The following ZNF462 variants were observed in gnomAD, a reference collection of about 807,000 sequenced individuals.
ZNF462 encodes zinc finger protein 462.
In ZNF462, 10 loss-of-function variants were observed where a neutral mutation model predicts 201.9. That is an observed-to-expected ratio of 0.05 (90% CI 0.03 to 0.08). ZNF462 has a LOEUF of 0.08. ZNF462 is among the 10% of genes least tolerant of loss of function. The probability of loss-of-function intolerance (pLI) is 1.00; values close to 1 mark genes in which losing one functional copy is unlikely to be tolerated. For missense variants in ZNF462, 2,523 were observed against 3,168.3 expected, an observed-to-expected ratio of 0.80 and a Z score of 4.89; for synonymous variants, 1,227 against 1,193.3, an observed-to-expected ratio of 1.03 and a Z score of -0.58.
chr9:106,981,567 G>A lies in ZNF462; in HGVS notation c.6833-2619G>A, dbSNP rs183917583. ...TTATGTCAAGGGTAGAACACCTAACGGTGCTTGAACCGTAGCGAGCACTTA... is the reference window on the plus strand; with the variant it reads ...TTATGTCAAGGGTAGAACACCTAACAGTGCTTGAACCGTAGCGAGCACTTA... On this transcript the variant is annotated intron_variant, in intron 9 of 12. Coordinates refer to ENST00000277225, the MANE Select transcript of ZNF462 (RefSeq NM_021224.6). The surrounding 1 kb of genome is among the most constrained non-coding windows in gnomAD (Gnocchi z 4.0). 1.9e-3 allele frequency among the ~76,000 whole-genome samples: 282 copies of A among 152,304 alleles called. No homozygotes were observed. Among genetic ancestry groups the A allele is most frequent in the African/African-American group, 6.3e-3 (262 of 41,560 alleles).
intron 1 of ZNF462, among the ~76,000 whole-genome samples, chr9:106,908,983 G>A (rs141120972): frequency 0.012 from 670 of 55,234 alleles, 6 homozygotes; most frequent in Middle Eastern, 0.02. Context: ...TTTTTTTTGA[G>A]ACTGGGTCTC....
chr9:106,996,207 G>C lies in ZNF462; in HGVS notation c.7057-7087G>C, dbSNP rs556983095. On this transcript the variant is annotated intron_variant, in intron 10 of 12. Coordinates refer to ENST00000277225, the MANE Select transcript of ZNF462 (RefSeq NM_021224.6). ...ATATGTGCCACATTTTCTTAATCCA[G>C]TCTATTATTGATGGACATTTGGGTT... Among the ~76,000 whole-genome samples, 4 of 152,250 alleles carry C rather than the reference G, an allele frequency of 2.6e-5. No homozygotes were observed. The East Asian group carries it at 7.7e-4, about 29-fold the overall frequency.
In ZNF462 at chr9:106,883,262, G is replaced by A. The variant is rs1295034853; in HGVS notation, c.-31+19907G>A. Among the ~76,000 whole-genome samples, 1 of 152,194 alleles carries A rather than the reference G, an allele frequency of 6.6e-6. No homozygotes were observed. Among genetic ancestry groups the A allele is most frequent in the Admixed American group, 6.5e-5 (1 of 15,282 alleles). ...TGTTATTTGGTTAATGGTTGACCTA[G>A]TTCTAATGCCATATGCTTCCTGGAA... On this transcript the variant is annotated intron_variant, in intron 1 of 12. Coordinates refer to ENST00000277225, the MANE Select transcript of ZNF462 (RefSeq NM_021224.6). This position sits in a 1 kb window ranked among gnomAD's most constrained non-coding sequence, Gnocchi z 4.9.
chr9:106,951,887 C>T lies in ZNF462; in HGVS notation c.6427+12780C>T, dbSNP rs558047884. Among the ~76,000 whole-genome samples the T allele has an allele frequency of 4.7e-5, 7 of 150,518 alleles. No homozygotes were observed. In the South Asian group the frequency reaches 8.4e-4, roughly 18 times the overall value. On this transcript the variant is annotated intron_variant, in intron 7 of 12. Coordinates refer to ENST00000277225, the MANE Select transcript of ZNF462 (RefSeq NM_021224.6). ...TTTTTCCAGTGGAATTTTGGAGTCG[C>T]GGTGCTGTAGCGGCATCAAGTGTGA...
At position 107,009,979 on chromosome 9, in the gene ZNF462, A is replaced by G. The variant is rs1829830906; in HGVS notation, c.7313+311A>G. Among the ~76,000 whole-genome samples, 1 of 152,134 alleles carries G rather than the reference A, an allele frequency of 6.6e-6. No homozygotes were observed. Among genetic ancestry groups the G allele is most frequent in the Non-Finnish European group, 1.5e-5 (1 of 68,034 alleles). On this transcript the variant is annotated intron_variant, in intron 12 of 12. Coordinates refer to ENST00000277225, the MANE Select transcript of ZNF462 (RefSeq NM_021224.6). The surrounding 1 kb of genome is among the most constrained non-coding windows in gnomAD (Gnocchi z 6.1). ...TTAGTCTTCATTAGCGTGACATTCT[A>G]TAATAGAACGTGAATCGAGGTCAAA...
Position 106,923,434 on chromosome 9 carries a change from A to C in ZNF462, c.51A>C (p.Glu17Asp), listed in dbSNP as rs770892525. The C allele has an allele frequency of 6.2e-7, 1 of 1,614,210 alleles. No individual in the cohort carries two copies. Among genetic ancestry groups the C allele is most frequent in the Non-Finnish European group, 8.5e-7 (1 of 1,180,042 alleles). Reference sequence around the variant, plus strand: ...GTGATTTCCGAGCCCCGTCTTATGAAGATCTCAAGGCACACATTCAGGATG... The same window carrying C: ...GTGATTTCCGAGCCCCGTCTTATGACGATCTCAAGGCACACATTCAGGATG... ...DGCDFRAPSY[E>D]DLKAHIQDVH... The change falls in exon 2 of 13, where the codon GAA becomes GAC. Residue 17 changes from glutamate to aspartate, a missense_variant. Glu to Asp is a conservative substitution (Grantham distance 45, BLOSUM62 2). Transcript: ENST00000277225. The surrounding 1 kb of genome is among the most constrained non-coding windows in gnomAD (Gnocchi z 5.6).
rs1830353456 is a variant in ZNF462 at position 106,929,868 on chromosome 9, C to T, written c.5847+109C>T. 3 of 986,646 alleles carry T rather than the reference C, an allele frequency of 3.0e-6. No homozygotes were observed. The highest frequency in any genetic ancestry group is 1.6e-5 in the South Asian group (1 of 61,180). 61.1% of individuals were successfully genotyped at this position (986,646 alleles called of 1,614,324 possible). A position where few individuals can be genotyped will look rare whatever the true frequency, so the allele number is the denominator to read the frequency against. ...TGCTGCAGGCTTCCTAGTGACTTAG[C>T]TTGCCAGAGAGCTCAATAAGTCAAT... On this transcript the variant is annotated intron_variant, in intron 3 of 12. Transcript: ENST00000277225. This position sits in a 1 kb window ranked among gnomAD's most constrained non-coding sequence, Gnocchi z 8.7.
chr9:106,892,715 CACACACACACAT>C (rs1196287919), intron 1 of ZNF462, among the ~76,000 whole-genome samples: 9 of 151,744 alleles, frequency 5.9e-5, no homozygotes, highest in African/African-American at 2.2e-4. Context: ...CACACACACA[CACACACACACAT>C]GTTATGCATA....
chr9:106,875,515 A>G (rs2130874840), intron 1 of ZNF462, among the ~76,000 whole-genome samples: 1 of 152,346 alleles, frequency 6.6e-6, no homozygotes, highest in Middle Eastern at 3.4e-3. Context: ...TAGCAACATG[A>G]TCACTAAGAT....
In ZNF462 at chr9:106,926,897, T is replaced by C. The variant is rs1456462409; in HGVS notation, c.2985T>C (p.Ala995=). ...ACATGGCGACTTCCACACCTGTGGC[T>C]CGTGGTGGTGGTTTGCCAGCTACGT... ...PKNMATSTPV[A]RGGGLPATFN... Residue 995 remains alanine (A), a synonymous_variant, in exon 3 of 13, where the codon GCT becomes GCC. Coordinates refer to ENST00000277225, the MANE Select transcript of ZNF462 (RefSeq NM_021224.6). This position sits in a 1 kb window ranked among gnomAD's most constrained non-coding sequence, Gnocchi z 7.9. 2 of 1,614,136 alleles carry C rather than the reference T, an allele frequency of 1.2e-6. No homozygotes were observed. The highest frequency in any genetic ancestry group is 1.7e-6 in the Non-Finnish European group (2 of 1,180,034).
In ZNF462 at chr9:106,864,086, CTCTCTCTCTCTCTCTCT is replaced by C. The variant is rs1827201343; in HGVS notation, c.-31+732_-31+748del. Among the ~76,000 whole-genome samples the C allele has an allele frequency of 3.0e-5, 4 of 134,764 alleles. No individual in the cohort carries two copies. In the South Asian group the frequency reaches 1.0e-3, roughly 35 times the overall value. 88.4% of individuals were successfully genotyped at this position (134,764 alleles called of 152,430 possible). ...TCTCTCTCTCTCTCTCTCTCTCTCTCTCTCTCTCTCTCTCTCTCTCTCTCCCTCTCCCCGAAGTTGGG... is the reference window on the plus strand; with the variant it reads ...TCTCTCTCTCTCTCTCTCTCTCTCTCCTCTCTCCCTCTCCCCGAAGTTGGG... On this transcript the variant is annotated intron_variant, in intron 1 of 12. Coordinates refer to ENST00000277225, the MANE Select transcript of ZNF462 (RefSeq NM_021224.6).
chr9:106,932,569 C>CA lies in ZNF462; in HGVS notation c.6116+21dup, dbSNP rs1227580763. 1 of 1,614,114 alleles carries CA rather than the reference C, an allele frequency of 6.2e-7. No homozygotes were observed. Among genetic ancestry groups the CA allele is most frequent in the Admixed American group, 1.7e-5 (1 of 60,024 alleles). ...GCACAAGTAAGTGCTATTGGGGGGT[C>CA]ACTAGTGGTTACTGGGAGATGATGT... On this transcript the variant is annotated intron_variant, in intron 5 of 12. Coordinates refer to ENST00000277225, the MANE Select transcript of ZNF462 (RefSeq NM_021224.6). This position sits in a 1 kb window ranked among gnomAD's most constrained non-coding sequence, Gnocchi z 6.8.
Position 107,008,592 on chromosome 9 carries a change from C to A in ZNF462, c.7190-953C>A, listed in dbSNP as rs1829724679. 6.6e-6 allele frequency among the ~76,000 whole-genome samples: 1 copy of A among 152,192 alleles called. No homozygotes were observed. Among genetic ancestry groups the A allele is most frequent in the Non-Finnish European group, 1.5e-5 (1 of 68,034 alleles). On this transcript the variant is annotated intron_variant, in intron 11 of 12. Coordinates refer to ENST00000277225, the MANE Select transcript of ZNF462 (RefSeq NM_021224.6). The surrounding 1 kb of genome is among the most constrained non-coding windows in gnomAD (Gnocchi z 4.8). ...GCAAGGTCCTGCTGTTTATTACCTA[C>A]ATGAAGACTTGGCCCTCTGTGGTAT...
chr9:106,894,006 A>T (rs1167483858), intron 1 of ZNF462, among the ~76,000 whole-genome samples: 1 of 152,246 alleles, frequency 6.6e-6, no homozygotes. Flanking sequence ...CTGGCAACAG[A>T]CTATGTGCAA....
chr9:106,863,729 C>A (rs1827160535), intron 1 of ZNF462, among the ~76,000 whole-genome samples: 1 of 150,866 alleles, frequency 6.6e-6, no homozygotes, highest in Non-Finnish European at 1.5e-5. Context: ...TCGTGTAGTT[C>A]TATGAAGAGA....
At chr9:106,877,259 A>G (rs929452173) in intron 1 of ZNF462, among the ~76,000 whole-genome samples, 2 of 139,418 alleles carry the variant, frequency 1.4e-5, no homozygotes, top group African/African-American at 5.5e-5. Context: ...GTAAAACCAT[A>G]TAGTGATTTT....
chr9:106,923,441 A>G lies in ZNF462; in HGVS notation c.58A>G (p.Lys20Glu). The G allele has an allele frequency of 3.7e-6, 6 of 1,614,208 alleles. No individual in the cohort carries two copies. The highest frequency in any genetic ancestry group is 4.2e-6 in the Non-Finnish European group (5 of 1,180,052). ...CCGAGCCCCGTCTTATGAAGATCTC[A>G]AGGCACACATTCAGGATGTCCACAC... Reference protein sequence around the residue: ...DFRAPSYEDLKAHIQDVHTAF... With the variant: ...DFRAPSYEDLEAHIQDVHTAF... The change falls in exon 2 of 13, where the codon AAG becomes GAG. Residue 20 changes from lysine to glutamate, a missense_variant. By Grantham distance (56) the Lys-to-Glu change is moderately conservative. Around this residue, in one of 15 missense-constraint regions of ZNF462, gnomAD observed 480 missense variants for 544.4 expected, o/e 0.88. Transcript: ENST00000277225. The surrounding 1 kb of genome is among the most constrained non-coding windows in gnomAD (Gnocchi z 5.6).
intron 6 of ZNF462, among the ~76,000 whole-genome samples, chr9:106,937,208 A>G (rs1271860257): frequency 6.6e-6 from 1 of 152,202 alleles, no homozygotes; most frequent in Non-Finnish European, 1.5e-5. Context: ...CCAAGCTTGC[A>G]TTAAAAGAAA....
chr9:106,979,014 G>A, intron 9 of ZNF462: 1 of 220,502 alleles, frequency 4.5e-6, no homozygotes, highest in Non-Finnish European at 8.8e-6. Flanking sequence ...CCCCAATTTG[G>A]CCATCTCCTT....
Sources: allele counts gnomAD v4.1 joint callset (sites outside exome capture counted in the v4.1 genomes callset), GRCh38; gene constraint gnomAD v4.1.1; regional missense constraint gnomAD v4.1.1; non-coding constraint Gnocchi (gnomAD v3.1); transcripts MANE v1.5; gene names NCBI Gene and HGNC (gene_info 2026-07-23, HGNC 2026-07-21).